The following GRIN2A variants were observed in gnomAD, a reference collection of about 807,000 sequenced individuals.
The protein encoded by GRIN2A is glutamate ionotropic receptor NMDA type subunit 2A.
GRIN2A carries 22 observed loss-of-function variants against 113.4 expected under a neutral mutation model. That is an observed-to-expected ratio of 0.19 (90% confidence interval 0.14 to 0.28). The LOEUF is 0.28. Among genes scored for constraint, GRIN2A ranks in the 10% least tolerant of loss-of-function variants. The probability of loss-of-function intolerance (pLI) is 1.00; values close to 1 mark genes in which losing one functional copy is unlikely to be tolerated. For missense variants in GRIN2A, 1,502 were observed against 1,887.0 expected (o/e 0.80, Z 3.78); for synonymous variants, 827 against 738.4 (o/e 1.12, Z -1.94).
intron 2 of GRIN2A, among the ~76,000 whole-genome samples, chr16:10,136,780 C>T (rs1376883348): frequency 2.0e-5 from 3 of 152,182 alleles, no homozygotes; most frequent in African/African-American, 7.2e-5. Context: ...CACGACTGTG[C>T]TAAGCACTTA....
intron 10 of GRIN2A, among the ~76,000 whole-genome samples, chr16:9,802,236 T>TA (rs1903407103): frequency 6.6e-6 from 1 of 152,126 alleles, no homozygotes; most frequent in South Asian, 2.1e-4. Flanking sequence ...CAGGCACACA[T>TA]ATGTTCACTG....
chr16:9,839,164 G>T (rs1035926106), intron 7 of GRIN2A, among the ~76,000 whole-genome samples: 2 of 152,214 alleles, frequency 1.3e-5, no homozygotes, highest in East Asian at 3.9e-4. Context: ...AGTGCCAAGG[G>T]GGAATTAGTG....
At chr16:9,852,360 A>G (rs537382358) in intron 4 of GRIN2A, among the ~76,000 whole-genome samples, 3 of 152,190 alleles carry the variant, frequency 2.0e-5, no homozygotes, top group African/African-American at 7.2e-5. Flanking sequence ...TCCCAAGATA[A>G]TGTAAATTAA....
intron 3 of GRIN2A, among the ~76,000 whole-genome samples, chr16:9,891,325 T>C (rs1034338001): frequency 4.6e-5 from 7 of 152,230 alleles, no homozygotes; most frequent in Non-Finnish European, 8.8e-5. Flanking sequence ...AAGCTTTTTG[T>C]CCTGCCAGAT....
chr16:10,170,494 C>G (rs763046931), intron 2 of GRIN2A, among the ~76,000 whole-genome samples: 2 of 152,208 alleles, frequency 1.3e-5, no homozygotes, highest in Admixed American at 6.5e-5. Context: ...TAAGTAATCT[C>G]ATCACACAAT....
rs772714472 is a variant in GRIN2A, at chr16:9,951,120, A to G, written c.415-12569T>C. Among the ~76,000 whole-genome samples, 65 of 152,132 alleles carry G rather than the reference A, an allele frequency of 4.3e-4. No homozygotes were observed. In the Middle Eastern group the frequency reaches 0.01, roughly 24 times the overall value. On this transcript the variant is annotated intron_variant, in intron 2 of 12. Transcript: ENST00000330684. ...ATATTCAGATACCATCTGAAGATCA[A>G]CCCTTCCCCAGCACAGTGCTTCCTC...
At chr16:9,769,861 T>A (rs985159785) in intron 11 of GRIN2A, among the ~76,000 whole-genome samples, 1 of 152,174 alleles carries the variant, frequency 6.6e-6, no homozygotes, top group African/African-American at 2.4e-5. Context: ...TCTCTCTCTT[T>A]AGAACATTCA....
At chr16:9,811,208 A>G (rs1353052990) in intron 10 of GRIN2A, among the ~76,000 whole-genome samples, 1 of 152,218 alleles carries the variant, frequency 6.6e-6, no homozygotes, top group African/African-American at 2.4e-5. Flanking sequence ...ACAGATAGGT[A>G]CAACCCTTGC....
At chr16:9,818,437 C>T (rs1038179196) in intron 10 of GRIN2A, among the ~76,000 whole-genome samples, 4 of 150,782 alleles carry the variant, frequency 2.7e-5, no homozygotes, top group Non-Finnish European at 5.9e-5. Context: ...CAAAATTCAA[C>T]AGCCATAAGC....
chr16:9,930,754 G>T (rs1178155139), intron 3 of GRIN2A, among the ~76,000 whole-genome samples: 1 of 152,162 alleles, frequency 6.6e-6, no homozygotes, highest in African/African-American at 2.4e-5. Context: ...TGATCATTCT[G>T]ATTACTAAAT....
intron 2 of GRIN2A, among the ~76,000 whole-genome samples, chr16:10,038,572 G>A (rs1223225599): frequency 5.3e-5 from 8 of 151,926 alleles, no homozygotes; most frequent in Admixed American, 1.3e-4. Flanking sequence ...GGCCAGGCGC[G>A]GTGGCTCACG....
At chr16:9,781,878 T>C (rs913900693) in intron 11 of GRIN2A, among the ~76,000 whole-genome samples, 6 of 152,196 alleles carry the variant, frequency 3.9e-5, no homozygotes, top group Non-Finnish European at 8.8e-5. Flanking sequence ...TCTGGTTTAA[T>C]AAAGATGATG....
Position 10,180,796 on chromosome 16 carries a change from C to T in GRIN2A, c.-18-367G>A, listed in dbSNP as rs2050253396. The stretch of plus-strand genomic sequence containing the variant: ...CGCGCGTGTTCTGTACCCCACCAAG[C>T]TCCTAGGTGCACAGAATAAACCCTC... On this transcript the variant is annotated intron_variant, in intron 1 of 12. Transcript: ENST00000330684. This position sits in a 1 kb window ranked among gnomAD's most constrained non-coding sequence, Gnocchi z 7.0. 2.6e-6 allele frequency: 1 copy of T among 392,088 alleles called. No individual in the cohort carries two copies. The highest frequency in any genetic ancestry group is 4.8e-6 in the Non-Finnish European group (1 of 207,966). 24.3% of individuals were successfully genotyped at this position (392,088 alleles called of 1,614,324 possible).
chr16:9,799,190 G>C (rs531616523), intron 10 of GRIN2A, among the ~76,000 whole-genome samples: 1 of 152,338 alleles, frequency 6.6e-6, no homozygotes, highest in East Asian at 1.9e-4. Flanking sequence ...TGCTGTTGTA[G>C]GGTGTTATGG....
chr16:10,040,491 C>T (rs545588177), intron 2 of GRIN2A, among the ~76,000 whole-genome samples: 2 of 151,870 alleles, frequency 1.3e-5, no homozygotes, highest in Non-Finnish European at 2.9e-5. Context: ...AACACACATT[C>T]ACACCACACA....
Position 9,760,894 on chromosome 16 carries a change from G to A in GRIN2A, c.*2255C>T. ...CACTGGAAGGGCAGAAGGTAGAAAG[G>A]GCTAAAAGGCTACACAGTCATGGAG... On this transcript the variant is annotated 3_prime_UTR_variant, in exon 13 of 13. Transcript: ENST00000330684. 1 of 232,532 alleles carries A rather than the reference G, an allele frequency of 4.3e-6. No individual in the cohort carries two copies. 14.4% of individuals were successfully genotyped at this position (232,532 alleles called of 1,614,324 possible).
intron 12 of GRIN2A, among the ~76,000 whole-genome samples, chr16:9,765,153 C>G (rs1900836144): frequency 6.6e-6 from 1 of 152,170 alleles, no homozygotes; most frequent in African/African-American, 2.4e-5. Context: ...ATTGCTCTGG[C>G]TCAAGATTAG....
chr16:9,994,655 G>A (rs897082296), intron 2 of GRIN2A, among the ~76,000 whole-genome samples: 1 of 152,188 alleles, frequency 6.6e-6, no homozygotes, highest in African/African-American at 2.4e-5. Context: ...GCAGGGAAGG[G>A]TTTGAATACA....
At chr16:10,070,324 A>T (rs2047725914) in intron 2 of GRIN2A, among the ~76,000 whole-genome samples, 1 of 152,192 alleles carries the variant, frequency 6.6e-6, no homozygotes, top group Admixed American at 6.5e-5. Flanking sequence ...GGCCAGCAGC[A>T]TCAGCATCTC....
Sources: allele counts gnomAD v4.1 joint callset (sites outside exome capture counted in the v4.1 genomes callset), GRCh38; gene constraint gnomAD v4.1.1; non-coding constraint Gnocchi (gnomAD v3.1); transcripts MANE v1.5; gene names NCBI Gene and HGNC (gene_info 2026-07-23, HGNC 2026-07-21).